ZSWIM8: variants seen among roughly 807,000 people sequenced by gnomAD.
The protein encoded by ZSWIM8 is zinc finger SWIM-type containing 8, also known as zinc finger SWIM domain-containing protein 8.
Under a neutral mutation model 173.7 loss-of-function variants are expected in ZSWIM8, and 27 were observed. The ratio of observed to expected loss-of-function variants is 0.16; its 90% CI spans 0.11 to 0.21. The LOEUF (loss-of-function observed/expected upper bound fraction) is 0.21. Among genes scored for constraint, ZSWIM8 ranks in the 10% least tolerant of loss-of-function variants. The probability of loss-of-function intolerance (pLI) is 1.00; values close to 1 mark genes in which losing one functional copy is unlikely to be tolerated. For missense variants in ZSWIM8, 1,627 were observed against 2,428.8 expected (o/e 0.67, Z 6.94); for synonymous variants, 958 against 962.0 (o/e 1.00, Z 0.08).
chr10:73,788,853 G>A (rs927754828), intron 2 of ZSWIM8, 30 bp downstream of exon 2: 5 of 1,611,258 alleles, frequency 3.1e-6, no homozygotes, highest in African/African-American at 1.3e-5. Flanking sequence ...GGTGGGGAGC[G>A]GGGTCCTGAT....
rs2083475515 is a variant in ZSWIM8 at position 73,792,992 on chromosome 10, T to C, written c.2313+140T>C. The C allele has an allele frequency of 9.7e-7, 1 of 1,028,458 alleles. No individual in the cohort carries two copies. The highest frequency in any genetic ancestry group is 1.6e-5 in the African/African-American group (1 of 62,808). The allele number at this position is 1,028,458 out of a possible 1,614,324, so 63.7% of individuals were successfully genotyped here. On this transcript the variant is annotated intron_variant, in intron 10 of 25. Transcript: ENST00000604729. This position sits in a 1 kb window ranked among gnomAD's most constrained non-coding sequence, Gnocchi z 4.3. ...AGGCGCCGAACTGGTCTCCCTGCTT[T>C]CAGTCTACTCACTTTTCTGCTTCCA...
chr10:73,794,756 C>A, intron 14 of ZSWIM8, 117 bp downstream of exon 14: 1 of 873,466 alleles, frequency 1.1e-6, no homozygotes, highest in Non-Finnish European at 1.8e-6. Context: ...CATGTGTGAG[C>A]CAACTAGTGC....
In ZSWIM8 at chr10:73,792,480, T is replaced by C; in HGVS notation, c.1941T>C (p.Cys647=). 1 of 1,612,094 alleles carries C rather than the reference T, an allele frequency of 6.2e-7. No homozygotes were observed. Among genetic ancestry groups the C allele is most frequent in the Non-Finnish European group, 8.5e-7 (1 of 1,179,014 alleles). ...FGGFPESPPP[C]PLHGGSRGPS... ...GATTCCCTGAGAGCCCTCCACCCTG[T>C]CCTCTCCACGGTGGCTCCCGAGGCC... The change falls in exon 10 of 26, where the codon TGT becomes TGC. Residue 647 remains cysteine, a synonymous_variant. Transcript: ENST00000604729. The surrounding 1 kb of genome is among the most constrained non-coding windows in gnomAD (Gnocchi z 4.3).
chr10:73,793,484 G>C (rs545667468), intron 10 of ZSWIM8, 104 bp from the exon 11 acceptor site: 1 of 1,337,778 alleles, frequency 7.5e-7, no homozygotes, highest in African/African-American at 1.5e-5. Flanking sequence ...ACAGGGCCTG[G>C]CATGTAGCAA....
In ZSWIM8 at chr10:73,786,077, A is replaced by G. The variant is rs1409906716; in HGVS notation, c.199A>G (p.Arg67Gly). Reference protein sequence around the residue: ...GGGGGGSGGTRMRDGLVIPLV... With the variant: ...GGGGGGSGGTGMRDGLVIPLV... ...TGGCGGAGGTGGCAGTGGCGGTACC[A>G]GAATGCGAGGTGAGAGTGAGCTGGG... Residue 67 changes from arginine to glycine, a missense_variant, in exon 1 of 26, where the codon AGA (arginine) becomes GGA (glycine). Physicochemically the swap from Arg to Gly is moderately radical, Grantham distance 125 (BLOSUM62 -2). Coordinates refer to ENST00000604729, the MANE Select transcript of ZSWIM8 (RefSeq NM_001367799.1). The G allele has an allele frequency of 6.3e-7, 1 of 1,578,024 alleles. No individual in the cohort carries two copies. The highest frequency in any genetic ancestry group is 1.4e-5 in the African/African-American group (1 of 73,032).
At position 73,789,616 on chromosome 10, in the gene ZSWIM8, G is replaced by A; in HGVS notation, c.630+77G>A. On this transcript the variant is annotated intron_variant, in intron 4 of 25. Transcript: ENST00000604729. This position sits in a 1 kb window ranked among gnomAD's most constrained non-coding sequence, Gnocchi z 6.8. ...TCTCTGCTGCATGCCTGGCTACAAT[G>A]TGAGCCCCCTCGCCTCGCCTACTCT... is the stretch of plus-strand genomic sequence containing the variant. The A allele has an allele frequency of 6.4e-7, 1 of 1,560,920 alleles. No homozygotes were observed. Among genetic ancestry groups the A allele is most frequent in the Non-Finnish European group, 8.7e-7 (1 of 1,149,600 alleles).
chr10:73,800,423 G>A lies in ZSWIM8; in HGVS notation c.4953G>A (p.Gln1651=), dbSNP rs1201775288. The A allele has an allele frequency of 6.2e-7, 1 of 1,613,896 alleles. No homozygotes were observed. Among genetic ancestry groups the A allele is most frequent in the East Asian group, 2.2e-5 (1 of 44,876 alleles). ...CGCCCGAGGAGGAGACACACAGTCA[G>A]CCAGTCAATCCCCACAGCCTGCACC... is the stretch of plus-strand genomic sequence containing the variant. ...FPPPEEETHS[Q]PVNPHSLHHL... Residue 1651 remains glutamine (Q), a synonymous_variant, in exon 23 of 26, where the codon CAG becomes CAA. Coordinates refer to ENST00000604729, the MANE Select transcript of ZSWIM8 (RefSeq NM_001367799.1). This position sits in a 1 kb window ranked among gnomAD's most constrained non-coding sequence, Gnocchi z 4.1.
At chr10:73,796,615 G>A in intron 15 of ZSWIM8, 159 bp from the exon 16 acceptor site, 1 of 963,740 alleles carries the variant, frequency 1.0e-6, no homozygotes, top group Non-Finnish European at 1.5e-6. Flanking sequence ...GTTACAAAAA[G>A]ACATGTAAAC....
Position 73,786,033 on chromosome 10 carries a change from A to G in ZSWIM8, c.155A>G (p.Asn52Ser), listed in dbSNP as rs1214171178. 4 of 1,602,148 alleles carry G rather than the reference A, an allele frequency of 2.5e-6. No individual in the cohort carries two copies. The highest frequency in any genetic ancestry group is 3.3e-4 in the Middle Eastern group (2 of 6,062). ...RGWRKQSAGPNSPTGGGGGGG... is the reference protein window; with the variant it reads ...RGWRKQSAGPSSPTGGGGGGG... ...TGGCGCAAACAGTCAGCGGGGCCCA[A>G]TTCCCCCACTGGCGGCGGTGGCGGA... Residue 52 changes from asparagine (N) to serine (S), a missense_variant, in exon 1 of 26, where the codon AAT (asparagine) becomes AGT (serine). Transcript: ENST00000604729.
intron 11 of ZSWIM8, 61 bp from the exon 12 acceptor site, chr10:73,793,804 C>A (rs1234038713): frequency 1.9e-6 from 3 of 1,546,622 alleles, no homozygotes; most frequent in Non-Finnish European, 2.6e-6. Flanking sequence ...GAGCATCCTT[C>A]TACCTCCACC....
chr10:73,792,697 C>G lies in ZSWIM8; in HGVS notation c.2158C>G (p.Pro720Ala). ...GCTTCCCAAAACCAAAGAGGCAGCC[C>G]CTGCAGTTGGAGAGGAGGATGATGA... ...NGLPKTKEAAPAVGEEDDDYQ... is the reference protein window; with the variant it reads ...NGLPKTKEAAAAVGEEDDDYQ... Residue 720 changes from proline to alanine, a missense_variant, in exon 10 of 26, where the codon CCT becomes GCT. Pro to Ala is a conservative substitution (Grantham distance 27). This residue lies in a region of ZSWIM8 where 383 missense variants were observed against 394.8 expected (regional missense o/e 0.97). Coordinates refer to ENST00000604729, the MANE Select transcript of ZSWIM8 (RefSeq NM_001367799.1). This position sits in a 1 kb window ranked among gnomAD's most constrained non-coding sequence, Gnocchi z 4.3. The G allele has an allele frequency of 6.2e-7, 1 of 1,613,960 alleles. No individual in the cohort carries two copies. Among genetic ancestry groups the G allele is most frequent in the Non-Finnish European group, 8.5e-7 (1 of 1,179,896 alleles).
chr10:73,794,763 G>T, intron 14 of ZSWIM8, 124 bp downstream of exon 14: 1 of 844,384 alleles, frequency 1.2e-6, no homozygotes, highest in Non-Finnish European at 1.8e-6. Context: ...GAGCCAACTA[G>T]TGCCTGTAAG....
Position 73,791,412 on chromosome 10 carries a change from T to C in ZSWIM8, c.1232T>C (p.Val411Ala). The change falls in exon 9 of 26, where the codon GTG becomes GCG. Residue 411 changes from valine (V) to alanine (A), a missense_variant. Coordinates refer to ENST00000604729, the MANE Select transcript of ZSWIM8 (RefSeq NM_001367799.1). The surrounding 1 kb of genome is among the most constrained non-coding windows in gnomAD (Gnocchi z 6.0). ...HTGRSNGQSE[V>A]AAHACASMCD... ...GGCCGTAGCAACGGGCAGTCAGAGG[T>C]GGCAGCCCATGCCTGTGCCAGCATG... 6.2e-7 allele frequency: 1 copy of C among 1,613,894 alleles called. No individual in the cohort carries two copies. Among genetic ancestry groups the C allele is most frequent in the Non-Finnish European group, 8.5e-7 (1 of 1,179,834 alleles).
At chr10:73,793,801 C>T (rs1333094012) in intron 11 of ZSWIM8, 64 bp from the exon 12 acceptor site, 7 of 1,561,410 alleles carry the variant, frequency 4.5e-6, no homozygotes. Flanking sequence ...TGAGAGCATC[C>T]TTCTACCTCC....
rs1183476327 is a variant in ZSWIM8 at position 73,789,464 on chromosome 10, C to T, written c.555C>T (p.Ser185=). ...AVMFDRCRVT[S]CSCTCGAGAK... ...TGTTTGACCGCTGCCGGGTCACTTC[C>T]TGCAGCTGTACCTGTGGGGCTGGGG... Residue 185 remains serine, a synonymous_variant, in exon 4 of 26, where the codon TCC becomes TCT. Coordinates refer to ENST00000604729, the MANE Select transcript of ZSWIM8 (RefSeq NM_001367799.1). The surrounding 1 kb of genome is among the most constrained non-coding windows in gnomAD (Gnocchi z 6.8). 1 of 1,611,672 alleles carries T rather than the reference C, an allele frequency of 6.2e-7. No homozygotes were observed. The highest frequency in any genetic ancestry group is 2.2e-5 in the East Asian group (1 of 44,866).
chr10:73,800,757 TG>T lies in ZSWIM8; in HGVS notation c.5122+1del. The T allele has an allele frequency of 6.2e-7, 1 of 1,612,490 alleles. No individual in the cohort carries two copies. The highest frequency in any genetic ancestry group is 8.5e-7 in the Non-Finnish European group (1 of 1,179,038). ...TGGTTGCTGGGGCTGGCAGCAAAGC[TG>T]GGTAACACCTCCCCTCCCTAGGACC... ...VKWLLGLAAKLGVNYVHQFCV... is the reference protein window; with the variant it reads ...VKWLLGLAAKXGVNYVHQFCV... On this transcript the variant is annotated frameshift_variant and splice_region_variant, in exon 24 of 26. Transcript: ENST00000604729. LOFTEE classifies it high-confidence loss of function. This position sits in a 1 kb window ranked among gnomAD's most constrained non-coding sequence, Gnocchi z 4.1.
rs1490892775 is a variant in ZSWIM8, at chr10:73,789,839, C to T, written c.738+15C>T. On this transcript the variant is annotated intron_variant, in intron 5 of 25. Coordinates refer to ENST00000604729, the MANE Select transcript of ZSWIM8 (RefSeq NM_001367799.1). This position sits in a 1 kb window ranked among gnomAD's most constrained non-coding sequence, Gnocchi z 6.8. ...TCCCTCAGCAGGTGGGTGAGGTCGGCACCCCCTCCTGCAATTAGCTCCGGG... is the reference window on the plus strand; with the variant it reads ...TCCCTCAGCAGGTGGGTGAGGTCGGTACCCCCTCCTGCAATTAGCTCCGGG... 1.9e-6 allele frequency: 3 copies of T among 1,596,208 alleles called. No individual in the cohort carries two copies. Among genetic ancestry groups the T allele is most frequent in the South Asian group, 1.1e-5 (1 of 88,394 alleles).
chr10:73,794,672 G>T (rs767423649), intron 14 of ZSWIM8, 33 bp downstream of exon 14: 2 of 1,529,040 alleles, frequency 1.3e-6, no homozygotes, highest in African/African-American at 1.4e-5. Flanking sequence ...AGCTAAGCCT[G>T]GTTCAGGTCT....
chr10:73,790,287 C>T lies in ZSWIM8; in HGVS notation c.936C>T (p.Val312=). ...LHKFCGPSPV[V]FSDVNSMYLS... is the part of the protein sequence containing the mutation. ...AGTTCTGTGGCCCCTCCCCTGTGGTCTTCAGGTAAATCGGATCTCTGCATA... is the reference window on the plus strand; with the variant it reads ...AGTTCTGTGGCCCCTCCCCTGTGGTTTTCAGGTAAATCGGATCTCTGCATA... The change falls in exon 7 of 26, where the codon GTC becomes GTT. Residue 312 remains valine (V), a synonymous_variant. Coordinates refer to ENST00000604729, the MANE Select transcript of ZSWIM8 (RefSeq NM_001367799.1). 1 of 1,605,816 alleles carries T rather than the reference C, an allele frequency of 6.2e-7. No homozygotes were observed. The highest frequency in any genetic ancestry group is 8.5e-7 in the Non-Finnish European group (1 of 1,176,086).
Sources: allele counts gnomAD v4.1 joint callset, GRCh38; gene constraint gnomAD v4.1.1; regional missense constraint gnomAD v4.1.1; non-coding constraint Gnocchi (gnomAD v3.1); transcripts MANE v1.5; gene names NCBI Gene and HGNC (gene_info 2026-07-23, HGNC 2026-07-21).